Variants in GASK1A observed in about 807,000 individuals in gnomAD.
The protein encoded by GASK1A is Golgi-associated kinase 1A.
In GASK1A, 40 loss-of-function variants were observed where a neutral mutation model predicts 41.2. The ratio of observed to expected loss-of-function variants is 0.97; its 90% CI spans 0.75 to 1.27. GASK1A has a LOEUF of 1.27. Ranked by LOEUF, GASK1A falls within the 50% of genes most tolerant of loss-of-function variation. The probability of loss-of-function intolerance (pLI) is 0.00; values close to 1 mark genes in which losing one functional copy is unlikely to be tolerated. For missense variants in GASK1A, 678 were observed against 745.1 expected, an observed-to-expected ratio of 0.91 and a Z score of 1.05; for synonymous variants, 316 against 307.1, an observed-to-expected ratio of 1.03 and a Z score of -0.30.
chr3:43,041,743 C>G (rs1336634838), intron 2 of GASK1A, among the ~76,000 whole-genome samples: 1 of 152,226 alleles, frequency 6.6e-6, no homozygotes, highest in Non-Finnish European at 1.5e-5. Flanking sequence ...TTTCCTCTTT[C>G]TTACTCTTAC....
intron 1 of GASK1A, among the ~76,000 whole-genome samples, chr3:43,015,662 G>GCAGT (rs995005034): frequency 4.0e-5 from 6 of 151,742 alleles, no homozygotes; most frequent in Non-Finnish European, 8.8e-5. Context: ...ACAGGAAGGG[G>GCAGT]CAGTGGGAAG....
intron 4 of GASK1A, 65 bp downstream of exon 4, chr3:43,055,600 T>C (rs2089712304): frequency 1.7e-6 from 2 of 1,194,880 alleles, no homozygotes; most frequent in Admixed American, 4.0e-5. Flanking sequence ...GCTGCAAACC[T>C]TGGGACCTTC....
At position 43,052,377 on chromosome 3, in the gene GASK1A, T is replaced by C. The variant is rs192555915; in HGVS notation, c.1291-1144T>C. ...TCCCTGCTTCCCTTCACCTTCTCTA[T>C]TCCTCTGTCCTCCTCCTTCCACAGC... is the stretch of plus-strand genomic sequence containing the variant. On this transcript the variant is annotated intron_variant, in intron 2 of 4. Transcript: ENST00000430121. 4.2e-3 allele frequency among the ~76,000 whole-genome samples: 643 copies of C among 152,292 alleles called. 6 individuals are homozygous for C. Among genetic ancestry groups the C allele is most frequent in the African/African-American group, 0.014 (589 of 41,558 alleles).
intron 1 of GASK1A, among the ~76,000 whole-genome samples, chr3:43,022,289 C>T (rs1301370210): frequency 6.6e-6 from 1 of 152,202 alleles, no homozygotes. Flanking sequence ...GACATCTGCT[C>T]ATGGCCGTTT....
intron 1 of GASK1A, among the ~76,000 whole-genome samples, chr3:42,982,447 C>G (rs1043046484): frequency 6.6e-5 from 10 of 152,204 alleles, no homozygotes; most frequent in South Asian, 2.1e-4. Flanking sequence ...TTTTAAAGAG[C>G]TGAGATTTCA....
intron 1 of GASK1A, among the ~76,000 whole-genome samples, chr3:42,997,430 CAGAGAG>C (rs577401774): frequency 2.9e-5 from 4 of 136,912 alleles, no homozygotes; most frequent in Non-Finnish European, 3.3e-5. Context: ...GAGAGAGAGA[CAGAGAG>C]AGGGGGGGGG....
At chr3:42,987,176 A>G (rs1224321604) in intron 1 of GASK1A, among the ~76,000 whole-genome samples, 1 of 152,232 alleles carries the variant, frequency 6.6e-6, no homozygotes, top group Admixed American at 6.5e-5. Context: ...GGGGCACGAG[A>G]GCCTTTATTC....
chr3:43,056,989 A>G lies in GASK1A; in HGVS notation c.*603A>G, dbSNP rs1175918633. On this transcript the variant is annotated 3_prime_UTR_variant, in exon 5 of 5. Coordinates refer to ENST00000430121, the MANE Select transcript of GASK1A (RefSeq NM_001129908.3). Reference sequence around the variant, plus strand: ...AAAATAGAAGCATATGACAAAAAGCATAAGTCCCACAAACTCCCTAGCGGT... The same window carrying G: ...AAAATAGAAGCATATGACAAAAAGCGTAAGTCCCACAAACTCCCTAGCGGT... 2 of 152,290 alleles carry G rather than the reference A, an allele frequency of 1.3e-5. No individual in the cohort carries two copies. The highest frequency in any genetic ancestry group is 2.9e-5 in the Non-Finnish European group (2 of 68,062). 9.4% of individuals were successfully genotyped at this position (152,290 alleles called of 1,614,324 possible). A position where few individuals can be genotyped will look rare whatever the true frequency, so the allele number is the denominator to read the frequency against.
At chr3:43,028,771 G>T (rs1028214092) in intron 1 of GASK1A, among the ~76,000 whole-genome samples, 10 of 152,224 alleles carry the variant, frequency 6.6e-5, no homozygotes, top group Non-Finnish European at 1.5e-4. Flanking sequence ...ATATTCTCTA[G>T]GCTTTGTCTC....
At chr3:43,048,339 A>G (rs763775492) in intron 2 of GASK1A, among the ~76,000 whole-genome samples, 3 of 152,158 alleles carry the variant, frequency 2.0e-5, no homozygotes, top group Non-Finnish European at 4.4e-5. Context: ...TGATAAGAAT[A>G]TTGACCAACA....
intron 2 of GASK1A, chr3:43,037,178 C>A: frequency 8.9e-7 from 1 of 1,119,526 alleles, no homozygotes; most frequent in Non-Finnish European, 1.3e-6. Flanking sequence ...AAGAAGTGGC[C>A]AAAGAACCTA....
At chr3:42,989,981 G>A (rs1575434631) in intron 1 of GASK1A, among the ~76,000 whole-genome samples, 2 of 152,096 alleles carry the variant, frequency 1.3e-5, no homozygotes, top group South Asian at 2.1e-4. Context: ...TGCTCCCAGC[G>A]TTAGACTCAC....
chr3:43,010,270 G>T (rs2089457016), intron 1 of GASK1A, among the ~76,000 whole-genome samples: 1 of 152,176 alleles, frequency 6.6e-6, no homozygotes. Flanking sequence ...AGTCTGAAAA[G>T]GTGAACTCGT....
chr3:43,033,206 G>A lies in GASK1A; in HGVS notation c.943G>A (p.Gly315Arg). ...CAGGCTCAGCCAACTCTGTTCCCAA[G>A]GGCTCTGTGGCCTGATCAAGAGGCC... ...SPRLSQLCSQ[G>R]LCGLIKRPGD... Residue 315 changes from glycine (G) to arginine (R), a missense_variant, in exon 2 of 5, where the codon GGG (glycine) becomes AGG (arginine). Coordinates refer to ENST00000430121, the MANE Select transcript of GASK1A (RefSeq NM_001129908.3). The A allele has an allele frequency of 6.4e-7, 1 of 1,551,584 alleles. No individual in the cohort carries two copies. The highest frequency in any genetic ancestry group is 8.7e-7 in the Non-Finnish European group (1 of 1,146,920).
rs59982395 is a variant in GASK1A at position 43,024,082 on chromosome 3, T to A, written c.4-8185T>A. 4.6e-3 allele frequency among the ~76,000 whole-genome samples: 699 copies of A among 152,218 alleles called. 6 individuals carry two copies. The highest frequency in any genetic ancestry group is 0.016 in the African/African-American group (652 of 41,530). On this transcript the variant is annotated intron_variant, in intron 1 of 4. Coordinates refer to ENST00000430121, the MANE Select transcript of GASK1A (RefSeq NM_001129908.3). ...TTTTCTGGTTTTTTATGCTCTGGTG[T>A]CTGGTGCCTTGTGGACTTAGGGAAG...
At position 42,992,013 on chromosome 3, in the gene GASK1A, G is replaced by A. The variant is rs73832415; in HGVS notation, c.3+12368G>A. On this transcript the variant is annotated intron_variant, in intron 1 of 4. Transcript: ENST00000430121. ...CCCCCACCCCCACCCCTCTGCCCAA[G>A]ATCCTGTTACAACTACAAAGATGCT... Among the ~76,000 whole-genome samples the A allele has an allele frequency of 8.9e-3, 989 of 111,356 alleles. 13 individuals carry two copies. The highest frequency in any genetic ancestry group is 0.032 in the African/African-American group (929 of 29,186). The allele number at this position is 111,356 out of a possible 152,430, so 73.1% of individuals were successfully genotyped here. A position where few individuals can be genotyped will look rare whatever the true frequency, so the allele number is the denominator to read the frequency against.
Position 43,039,192 on chromosome 3 carries a change from G to GT in GASK1A, c.1290+5650dup, listed in dbSNP as rs11364905. Among the ~76,000 whole-genome samples, 265 of 132,036 alleles carry GT rather than the reference G, an allele frequency of 2.0e-3. 1 individual carries two copies. The highest frequency in any genetic ancestry group is 6.0e-3 in the African/African-American group (214 of 35,878). 86.6% of individuals were successfully genotyped at this position (132,036 alleles called of 152,430 possible). ...TACCAGCACAATCTGCCACCAGGTA[G>GT]TTTTTTTTTTTGGTTTTTTTTTTTT... On this transcript the variant is annotated intron_variant, in intron 2 of 4. Coordinates refer to ENST00000430121, the MANE Select transcript of GASK1A (RefSeq NM_001129908.3).
At chr3:42,979,719 C>T in intron 1 of GASK1A, 74 bp downstream of exon 1, 1 of 1,236,750 alleles carries the variant, frequency 8.1e-7, no homozygotes, top group Non-Finnish European at 1.0e-6. Context: ...AGTCAACGCG[C>T]AGCGGCCCAG....
rs945661288 is a variant in GASK1A at position 43,032,441 on chromosome 3, A to G, written c.178A>G (p.Ile60Val). 1.2e-5 allele frequency: 18 copies of G among 1,550,942 alleles called. No individual in the cohort carries two copies. In the East Asian group the frequency reaches 4.2e-4, roughly 36 times the overall value. Residue 60 changes from isoleucine (I) to valine (V), a missense_variant, in exon 2 of 5, where the codon ATC (isoleucine) becomes GTC (valine). By Grantham distance (29) the Ile-to-Val change is conservative. Coordinates refer to ENST00000430121, the MANE Select transcript of GASK1A (RefSeq NM_001129908.3). ...GGTAACTGGCGCCCCTGCAACCCAT[A>G]TCCGGCAGGCTTTGAGCTCCAGCCG... ...QGVTGAPATH[I>V]RQALSSSRRQ...
Sources: allele counts gnomAD v4.1 joint callset (sites outside exome capture counted in the v4.1 genomes callset), GRCh38; gene constraint gnomAD v4.1.1; transcripts MANE v1.5; gene names NCBI Gene and HGNC (gene_info 2026-07-23, HGNC 2026-07-21).